Variants in SPANXN4 observed in about 807,000 individuals in gnomAD.
The protein encoded by SPANXN4 is sperm protein associated with the nucleus on the X chromosome N4.
A neutral mutation model predicts 6.0 loss-of-function variants in SPANXN4; 5 were observed. That is an observed-to-expected ratio of 0.83 (90% confidence interval 0.44 to 1.75). The LOEUF is 1.75. Ranked by LOEUF, SPANXN4 falls within the 40% of genes most tolerant of loss-of-function variation. The pLI is 0.02. For synonymous variants in SPANXN4, 45 were observed against 38.0 expected (o/e 1.19, Z -0.68); for missense variants, 157 against 108.6 (o/e 1.45, Z -1.98).
chrX:143,034,012 GT>G lies in SPANXN4; in HGVS notation c.79-9del, dbSNP rs751507921. The G allele has an allele frequency of 1.7e-6, 2 of 1,160,811 alleles. No individual in the cohort carries two copies. The highest frequency in any genetic ancestry group is 3.2e-5 in the East Asian group (1 of 31,023). On this transcript the variant is annotated splice_polypyrimidine_tract_variant and intron_variant, in intron 1 of 2. Transcript: ENST00000370504. ...AATAACACCATTCTGGCCTCTCCCT[GT>G]TTTTTTACCAGAAGAAGAAGAATCT... is the stretch of plus-strand genomic sequence containing the variant.
intron 1 of SPANXN4, 123 bp downstream of exon 1, chrX:143,026,215 C>A (rs1932777286): frequency 1.8e-6 from 1 of 564,571 alleles, no homozygotes; most frequent in Non-Finnish European, 2.8e-6. Flanking sequence ...CAGCTTCATG[C>A]CAGAGCCCAC....
downstream of SPANXN4, among the ~76,000 whole-genome samples, chrX:143,037,304 C>T (rs1340421211): frequency 1.8e-5 from 2 of 111,590 alleles, no homozygotes; most frequent in Admixed American, 1.9e-4. Context: ...TTCACAATAC[C>T]TCATATCATT....
chrX:143,034,742 A>G, downstream of SPANXN4: 1 of 1,089,433 alleles, frequency 9.2e-7, no homozygotes, highest in Non-Finnish European at 1.2e-6. Context: ...AAAGTAAGAC[A>G]GCATGCCACA....
At chrX:143,027,951 G>T (rs1438632984) in intron 1 of SPANXN4, among the ~76,000 whole-genome samples, 1 of 111,351 alleles carries the variant, frequency 9.0e-6, no homozygotes, top group African/African-American at 3.3e-5. Flanking sequence ...CAGGGACATG[G>T]GGAAGGGACA....
chrX:143,030,378 A>G (rs1391498488), intron 1 of SPANXN4, among the ~76,000 whole-genome samples: 1 of 110,483 alleles, frequency 9.1e-6, no homozygotes, highest in African/African-American at 3.3e-5. Context: ...GAAGTTTAAA[A>G]CCTTAGTGAT....
At chrX:143,026,465 C>T (rs915142735) in intron 1 of SPANXN4, among the ~76,000 whole-genome samples, 6 of 111,494 alleles carry the variant, frequency 5.4e-5, no homozygotes, top group South Asian at 3.8e-4. Flanking sequence ...ATTTTTCTCA[C>T]GGCCAGAACT....
intron 1 of SPANXN4, among the ~76,000 whole-genome samples, chrX:143,027,382 A>G (rs1030921358): frequency 1.3e-4 from 14 of 110,808 alleles, no homozygotes; most frequent in Middle Eastern, 4.7e-3. Flanking sequence ...TTGTTTGTGC[A>G]TTTTTTCCAG....
At chrX:143,035,894 G>A (rs747322737), downstream of SPANXN4, among the ~76,000 whole-genome samples, 1 of 106,942 alleles carries the variant, frequency 9.4e-6, no homozygotes, top group Non-Finnish European at 1.9e-5. Context: ...TACATATCTG[G>A]TATTTTGTAT....
chrX:143,035,938 C>A (rs1277972865), downstream of SPANXN4, among the ~76,000 whole-genome samples: 1 of 106,114 alleles, frequency 9.4e-6, no homozygotes, highest in East Asian at 2.9e-4. Flanking sequence ...TCTTCTCCCA[C>A]CCCCAATGTT....
chrX:143,034,819 G>A (rs1932835462), downstream of SPANXN4: 3 of 948,373 alleles, frequency 3.2e-6, no homozygotes, highest in Non-Finnish European at 4.0e-6. Context: ...GAAACTCTAG[G>A]TGGAGCAGTC....
chrX:143,032,844 C>A (rs1932818789), intron 1 of SPANXN4, among the ~76,000 whole-genome samples: 1 of 110,617 alleles, frequency 9.0e-6, no homozygotes, highest in African/African-American at 3.3e-5. Context: ...GGAGTGAATA[C>A]CCCGGAGAAA....
At chrX:143,028,066 T>G (rs1932788090) in intron 1 of SPANXN4, among the ~76,000 whole-genome samples, 2 of 111,549 alleles carry the variant, frequency 1.8e-5, no homozygotes. Context: ...GAATTCTTGT[T>G]AAGTGCAGTG....
At position 143,034,698 on chromosome X, in the gene SPANXN4, G is replaced by A. The variant is rs1263759614; in HGVS notation, c.*2G>A. ...TCACCCAATGCTGTGAGCAACTGAA[G>A]GTCCTCAAAAGGAACAAGAACCTCA... is the stretch of plus-strand genomic sequence containing the variant. On this transcript the variant is annotated 3_prime_UTR_variant, in exon 3 of 3. Transcript: ENST00000370504. 4.4e-6 allele frequency: 5 copies of A among 1,132,969 alleles called. No individual in the cohort carries two copies. In the African/African-American group the frequency reaches 7.4e-5, roughly 17 times the overall value. The allele number at this position is 1,132,969 out of a possible 1,213,427, so 93.4% of individuals were successfully genotyped here. A position where few individuals can be genotyped will look rare whatever the true frequency, so the allele number is the denominator to read the frequency against.
At chrX:143,033,923 C>A in intron 1 of SPANXN4, 102 bp from the exon 2 acceptor site, 2 of 769,240 alleles carry the variant, frequency 2.6e-6, no homozygotes, top group Non-Finnish European at 3.7e-6. Flanking sequence ...CAAGCCCCTT[C>A]CTCAACCTGC....
intron 1 of SPANXN4, among the ~76,000 whole-genome samples, 151 bp downstream of exon 1, chrX:143,026,243 C>T (rs1193904818): frequency 9.0e-6 from 1 of 111,599 alleles, no homozygotes; most frequent in African/African-American, 3.3e-5. Context: ...TACAGGCCAG[C>T]GTACTTATAG....
At chrX:143,037,750 T>G (rs1602660888), downstream of SPANXN4, among the ~76,000 whole-genome samples, 1 of 111,482 alleles carries the variant, frequency 9.0e-6, no homozygotes, top group East Asian at 2.8e-4. Flanking sequence ...TCCATGTTGC[T>G]CTCATGATAG....
intron 1 of SPANXN4, among the ~76,000 whole-genome samples, chrX:143,029,736 G>A (rs1432350268): frequency 9.0e-6 from 1 of 111,044 alleles, no homozygotes; most frequent in African/African-American, 3.3e-5. Flanking sequence ...TGGGATGATG[G>A]GAGGGATGGA....
chrX:143,026,700 C>T (rs775045414), intron 1 of SPANXN4, among the ~76,000 whole-genome samples: 427 of 111,152 alleles, frequency 3.8e-3, no homozygotes, highest in African/African-American at 0.013. Flanking sequence ...GCACTGGTAC[C>T]GGACTTGGCA....
chrX:143,037,206 C>T (rs1375183232), downstream of SPANXN4, among the ~76,000 whole-genome samples: 1 of 110,803 alleles, frequency 9.0e-6, no homozygotes, highest in Non-Finnish European at 1.9e-5. Context: ...CCGAGGTAAA[C>T]ACTAGATACA....
Sources: gnomAD v4.1 joint callset for allele counts (sites outside exome capture counted in the v4.1 genomes callset) on GRCh38, gnomAD v4.1.1 for gene constraint, MANE v1.5 for transcripts, NCBI Gene and HGNC (gene_info 2026-07-23, HGNC 2026-07-21) for gene names.